EYS: variants seen among roughly 807,000 people sequenced by gnomAD.
The protein encoded by EYS is EGF-like photoreceptor maintenance factor.
EYS carries 250 observed loss-of-function variants against 282.1 expected under a neutral mutation model. The observed-to-expected ratio is 0.89, with a 90% CI of 0.80 to 0.98. EYS has a LOEUF of 0.98. Ranked by LOEUF, EYS falls within the 50% of genes least tolerant of loss-of-function variation. The pLI, the probability that EYS is intolerant of heterozygous loss-of-function variation, is 0.00. For synonymous variants in EYS, 1,355 were observed against 1,282.9 expected (o/e 1.06, Z -1.20); for missense variants, 4,016 against 3,709.0 (o/e 1.08, Z -2.15).
At chr6:65,186,433 G>A (rs546611311) in intron 12 of EYS, among the ~76,000 whole-genome samples, 5 of 151,684 alleles carry the variant, frequency 3.3e-5, no homozygotes, top group Admixed American at 6.6e-5. Context: ...GAGTGTGTCT[G>A]AGTCTATTGG....
chr6:65,204,903 A>ACG lies in EYS; in HGVS notation c.2023+90959_2023+90960insCG, dbSNP rs1256099916. Among the ~76,000 whole-genome samples the ACG allele has an allele frequency of 2.6e-3, 266 of 101,162 alleles. 37 individuals are homozygous for ACG. The highest frequency in any genetic ancestry group is 8.6e-3 in the African/African-American group (240 of 27,750). 66.4% of individuals were successfully genotyped at this position (101,162 alleles called of 152,430 possible). ...GAACGTATTTATATATTCTGGAAGA[A>ACG]TGTATTTATATATTCTTTATATATT... is the stretch of plus-strand genomic sequence containing the variant. On this transcript the variant is annotated intron_variant, in intron 12 of 42. Coordinates refer to ENST00000503581, the MANE Select transcript of EYS (RefSeq NM_001142800.2).
chr6:63,859,111 T>TTTTTTTTTTTA lies in EYS; in HGVS notation c.7228+5074_7228+5075insTAAAAAAAAAA, dbSNP rs796999871. On this transcript the variant is annotated intron_variant, in intron 36 of 42. Transcript: ENST00000503581. ...TTTTTTTTTTTTTTTTTTTTTTTTT[T>TTTTTTTTTTTA]AATAGCTGGGATGGAGATGCAGCCT... Among the ~76,000 whole-genome samples, 75 of 71,202 alleles carry TTTTTTTTTTTA rather than the reference T, an allele frequency of 1.1e-3. 26 individuals carry two copies. Among genetic ancestry groups the TTTTTTTTTTTA allele is most frequent in the African/African-American group, 4.1e-3 (64 of 15,788 alleles). 46.7% of individuals were successfully genotyped at this position (71,202 alleles called of 152,430 possible).
chr6:64,950,426 T>G (rs1436467279), intron 14 of EYS, among the ~76,000 whole-genome samples: 1 of 151,790 alleles, frequency 6.6e-6, no homozygotes, highest in Non-Finnish European at 1.5e-5. Context: ...AAATAGAAAT[T>G]TAGCCAATGT....
At chr6:65,031,888 C>T (rs1371853151) in intron 13 of EYS, among the ~76,000 whole-genome samples, 1 of 151,710 alleles carries the variant, frequency 6.6e-6, no homozygotes, top group African/African-American at 2.4e-5. Context: ...CAGAGCTGAA[C>T]TGAAATTAAT....
intron 22 of EYS, among the ~76,000 whole-genome samples, chr6:64,704,518 A>ATTATAATAC (rs1770918950): frequency 1.2e-5 from 1 of 84,514 alleles, no homozygotes; most frequent in Non-Finnish European, 2.5e-5. Context: ...TAATATTATA[A>ATTATAATAC]TTATAATACT....
At chr6:64,948,859 T>G (rs1769387696) in intron 14 of EYS, among the ~76,000 whole-genome samples, 1 of 151,722 alleles carries the variant, frequency 6.6e-6, no homozygotes, top group Non-Finnish European at 1.5e-5. Context: ...AATATGCATG[T>G]GACAGGAAAG....
At chr6:64,019,824 GTATA>G (rs199565163) in intron 33 of EYS, among the ~76,000 whole-genome samples, 1 of 138,060 alleles carries the variant, frequency 7.2e-6, no homozygotes, top group East Asian at 2.0e-4. Flanking sequence ...GTATATATAA[GTATA>G]TATATATATA....
intron 2 of EYS, among the ~76,000 whole-genome samples, chr6:65,525,316 G>A (rs1267935185): frequency 6.6e-6 from 1 of 152,126 alleles, no homozygotes; most frequent in East Asian, 1.9e-4. Flanking sequence ...TGTTTACCAA[G>A]CATCTCAGTG....
chr6:65,189,936 G>A (rs1765601803), intron 12 of EYS, among the ~76,000 whole-genome samples: 1 of 151,734 alleles, frequency 6.6e-6, no homozygotes, highest in Admixed American at 6.6e-5. Flanking sequence ...AATGTAGAAA[G>A]AAACAAAAGT....
chr6:65,122,993 A>T (rs1424956429), intron 12 of EYS, among the ~76,000 whole-genome samples: 17 of 152,122 alleles, frequency 1.1e-4, no homozygotes, highest in Admixed American at 8.5e-4. Context: ...TTCTAAAAAA[A>T]TAAATACAGA....
At chr6:63,734,775 T>C (rs527575118) in intron 41 of EYS, among the ~76,000 whole-genome samples, 1 of 152,120 alleles carries the variant, frequency 6.6e-6, no homozygotes, top group South Asian at 2.1e-4. Flanking sequence ...TAGGACACAT[T>C]TGAGATGTTT....
At chr6:64,769,976 TATAA>T (rs1231448284) in intron 22 of EYS, among the ~76,000 whole-genome samples, 21 of 152,024 alleles carry the variant, frequency 1.4e-4, no homozygotes, top group African/African-American at 5.1e-4. Flanking sequence ...TATATATAAA[TATAA>T]ATATTCATTT....
At chr6:65,117,474 G>T (rs1160709664) in intron 12 of EYS, among the ~76,000 whole-genome samples, 1 of 152,096 alleles carries the variant, frequency 6.6e-6, no homozygotes, top group African/African-American at 2.4e-5. Flanking sequence ...TACATAAAGG[G>T]AGTAATTTAC....
At chr6:64,610,212 T>C (rs1767064882) in intron 24 of EYS, among the ~76,000 whole-genome samples, 2 of 152,060 alleles carry the variant, frequency 1.3e-5, no homozygotes, top group Admixed American at 6.6e-5. Flanking sequence ...CATTACTTTT[T>C]TGAGTCAATA....
At chr6:65,218,036 AG>A (rs1362596911) in intron 12 of EYS, among the ~76,000 whole-genome samples, 1 of 152,098 alleles carries the variant, frequency 6.6e-6, no homozygotes, top group Non-Finnish European at 1.5e-5. Flanking sequence ...ATTAGATAAT[AG>A]TGGATAAGTT....
intron 22 of EYS, among the ~76,000 whole-genome samples, chr6:64,636,387 A>G (rs1010718319): frequency 6.6e-5 from 10 of 152,234 alleles, no homozygotes; most frequent in Non-Finnish European, 1.5e-4. Context: ...GGCTAGCCAT[A>G]TGTAGAAAGC....
chr6:65,471,649 A>G (rs868658698), intron 5 of EYS, among the ~76,000 whole-genome samples: 2 of 152,192 alleles, frequency 1.3e-5, no homozygotes, highest in South Asian at 4.1e-4. Flanking sequence ...GCCATTAGAA[A>G]GAAAAATATT....
At chr6:64,228,979 A>C (rs572660003) in intron 31 of EYS, among the ~76,000 whole-genome samples, 118 of 152,272 alleles carry the variant, frequency 7.7e-4, no homozygotes, top group African/African-American at 2.7e-3. Flanking sequence ...CTAACATTAA[A>C]AAATTAAAAT....
chr6:64,682,497 C>T (rs6454966), intron 22 of EYS, among the ~76,000 whole-genome samples: 103,059 of 152,020 alleles, frequency 0.68, 36,082 homozygotes, highest in Middle Eastern at 0.78. Flanking sequence ...CAGGGAGATG[C>T]AACTTCCTGG....
Sources: allele counts gnomAD v4.1 joint callset (sites outside exome capture counted in the v4.1 genomes callset), GRCh38; gene constraint gnomAD v4.1.1; transcripts MANE v1.5; gene names NCBI Gene and HGNC (gene_info 2026-07-23, HGNC 2026-07-21).